NBEA: variants seen among roughly 807,000 people sequenced by gnomAD.
The protein encoded by NBEA is lysosomal-trafficking regulator 2.
NBEA carries 44 observed loss-of-function variants against 343.4 expected under a neutral mutation model. The observed-to-expected ratio is 0.13, with a 90% confidence interval of 0.10 to 0.16. The LOEUF is 0.16. NBEA is among the 10% of genes least tolerant of loss of function. The probability of loss-of-function intolerance (pLI) is 1.00; values close to 1 mark genes in which losing one functional copy is unlikely to be tolerated. For missense variants in NBEA, 2,555 were observed against 3,631.3 expected, an observed-to-expected ratio of 0.70 and a Z score of 7.62; for synonymous variants, 1,175 against 1,238.7, an observed-to-expected ratio of 0.95 and a Z score of 1.08.
intron 25 of NBEA, among the ~76,000 whole-genome samples, chr13:35,170,176 T>A (rs74048927): frequency 0.028 from 4,213 of 151,790 alleles, 87 homozygotes; most frequent in South Asian, 0.074. Flanking sequence ...CTGCTCACGT[T>A]TCCATGTTAA....
At chr13:35,321,699 C>T (rs1016758496) in intron 36 of NBEA, among the ~76,000 whole-genome samples, 5 of 151,700 alleles carry the variant, frequency 3.3e-5, no homozygotes, top group African/African-American at 7.3e-5. Context: ...CACCCACAGC[C>T]GCCCCTTCCC....
intron 17 of NBEA, among the ~76,000 whole-genome samples, chr13:35,124,213 T>C (rs947647208): frequency 2.6e-5 from 4 of 151,330 alleles, no homozygotes; most frequent in African/African-American, 9.7e-5. Flanking sequence ...ATTTAAATGT[T>C]ACTAGATGAG....
chr13:35,655,093 T>C, intron 54 of NBEA, 83 bp downstream of exon 54: 1 of 1,139,160 alleles, frequency 8.8e-7, no homozygotes, highest in Non-Finnish European at 1.2e-6. Context: ...ATACTTAATG[T>C]AGGCATTTTT....
At chr13:35,562,753 T>C (rs1015810301) in intron 44 of NBEA, among the ~76,000 whole-genome samples, 2 of 152,080 alleles carry the variant, frequency 1.3e-5, no homozygotes, top group African/African-American at 4.8e-5. Context: ...GTCTGTAAAG[T>C]GTGAAGAAGC....
chr13:35,651,411 T>G (rs928609714), intron 52 of NBEA, among the ~76,000 whole-genome samples: 4 of 151,772 alleles, frequency 2.6e-5, no homozygotes, highest in African/African-American at 9.7e-5. Flanking sequence ...TGATTTCTGC[T>G]TCCTGTGTCC....
chr13:35,483,245 A>G (rs561027347), intron 41 of NBEA, among the ~76,000 whole-genome samples: 5 of 152,094 alleles, frequency 3.3e-5, no homozygotes, highest in African/African-American at 1.2e-4. Flanking sequence ...AATCTGATTT[A>G]CAGCTTACAC....
chr13:35,483,985 C>T (rs564712086), intron 41 of NBEA, among the ~76,000 whole-genome samples: 1 of 152,064 alleles, frequency 6.6e-6, no homozygotes, highest in Admixed American at 6.6e-5. Flanking sequence ...AATCTTGTTG[C>T]CACCAGGAAG....
At chr13:35,380,413 C>T (rs376960431) in intron 38 of NBEA, among the ~76,000 whole-genome samples, 158 of 152,112 alleles carry the variant, frequency 1.0e-3, no homozygotes, top group African/African-American at 3.4e-3. Flanking sequence ...CCACTGCACT[C>T]CAGCCTGGGC....
intron 38 of NBEA, among the ~76,000 whole-genome samples, chr13:35,426,415 T>G (rs1252425075): frequency 1.3e-5 from 2 of 152,188 alleles, no homozygotes; most frequent in African/African-American, 4.8e-5. Context: ...GAAGCTTAGT[T>G]TGGCTGGATA....
chr13:35,010,783 C>G (rs2061472192), intron 1 of NBEA, among the ~76,000 whole-genome samples: 1 of 116,890 alleles, frequency 8.6e-6, no homozygotes, highest in Non-Finnish European at 1.7e-5. Context: ...TATATATAAG[C>G]TGGGTGTGGT....
intron 1 of NBEA, among the ~76,000 whole-genome samples, chr13:35,033,079 C>CA (rs1198818527): frequency 6.6e-6 from 1 of 151,670 alleles, no homozygotes; most frequent in Non-Finnish European, 1.5e-5. Context: ...AATTTTTGCT[C>CA]AGACCAGTGC....
At chr13:35,120,347 C>T (rs549706819) in intron 16 of NBEA, among the ~76,000 whole-genome samples, 61 of 152,166 alleles carry the variant, frequency 4.0e-4, no homozygotes, top group Admixed American at 5.9e-4. Flanking sequence ...CAGATTGTTA[C>T]CCGTATGTTA....
chr13:35,244,756 G>A (rs1011068859), intron 34 of NBEA, among the ~76,000 whole-genome samples: 4 of 152,070 alleles, frequency 2.6e-5, no homozygotes, highest in South Asian at 4.1e-4. Flanking sequence ...GCATGAGCAT[G>A]GGATGTGTTT....
chr13:35,661,480 G>A (rs1239970280), intron 55 of NBEA, among the ~76,000 whole-genome samples: 1 of 152,106 alleles, frequency 6.6e-6, no homozygotes, highest in Admixed American at 6.5e-5. Context: ...GAGTACATAA[G>A]GAAATGAAAC....
At chr13:35,018,230 T>C (rs1470081726) in intron 1 of NBEA, among the ~76,000 whole-genome samples, 3 of 152,140 alleles carry the variant, frequency 2.0e-5, no homozygotes, top group Non-Finnish European at 2.9e-5. Flanking sequence ...TTGGCTATTG[T>C]AGGCTTTTTG....
At chr13:35,167,199 A>C (rs2070103852) in intron 24 of NBEA, among the ~76,000 whole-genome samples, 3 of 151,948 alleles carry the variant, frequency 2.0e-5, no homozygotes, top group African/African-American at 7.2e-5. Context: ...CAGCTAGTCA[A>C]CTCTGCTGTG....
chr13:35,073,790 A>T (rs918975507), intron 10 of NBEA, among the ~76,000 whole-genome samples: 1 of 152,166 alleles, frequency 6.6e-6, no homozygotes, highest in Non-Finnish European at 1.5e-5. Flanking sequence ...AAAATAGAAG[A>T]AGTTAGACGG....
Position 35,007,571 on chromosome 13 carries a change from A to G in NBEA, c.295-33362A>G, listed in dbSNP as rs1197574081. 2.0e-5 allele frequency among the ~76,000 whole-genome samples: 3 copies of G among 152,102 alleles called. No individual in the cohort carries two copies. The East Asian group carries it at 5.8e-4, about 29-fold the overall frequency. ...CAGTGGCGTGATCTCACCTCACTGT[A>G]GGCTTGACCTCCCAGGCTCAAGTGA... On this transcript the variant is annotated intron_variant, in intron 1 of 58. Transcript: ENST00000379939.
At chr13:35,081,487 T>C (rs182741927) in intron 10 of NBEA, among the ~76,000 whole-genome samples, 2 of 152,094 alleles carry the variant, frequency 1.3e-5, no homozygotes, top group Admixed American at 6.6e-5. Context: ...AACAAACAAA[T>C]TCAATCTAAA....
Sources: allele counts gnomAD v4.1 joint callset (sites outside exome capture counted in the v4.1 genomes callset), GRCh38; gene constraint gnomAD v4.1.1; transcripts MANE v1.5; gene names NCBI Gene and HGNC (gene_info 2026-07-23, HGNC 2026-07-21).